The following MAP3K14 variants were observed in gnomAD, a reference collection of about 807,000 sequenced individuals.
MAP3K14 encodes the protein mitogen-activated protein kinase kinase kinase 14.
In MAP3K14, 16 loss-of-function variants were observed where a neutral mutation model predicts 99.2. The ratio of observed to expected loss-of-function variants is 0.16; its 90% CI spans 0.11 to 0.24. MAP3K14 has a LOEUF of 0.24. MAP3K14 is among the 10% of genes least tolerant of loss of function. The pLI is 1.00. For synonymous variants in MAP3K14, 462 were observed against 492.4 expected, an observed-to-expected ratio of 0.94 and a Z score of 0.82; for missense variants, 784 against 1,208.7, an observed-to-expected ratio of 0.65 and a Z score of 5.21.
chr17:45,286,843 T>C lies in MAP3K14; in HGVS notation c.740A>G (p.Asp247Gly), dbSNP rs1392892290. Residue 247 changes from aspartate (D) to glycine (G), a missense_variant, in exon 5 of 16, where the codon GAC (aspartate) becomes GGC (glycine). By Grantham distance (94) the Asp-to-Gly change is moderately conservative. Transcript: ENST00000344686. The surrounding 1 kb of genome is among the most constrained non-coding windows in gnomAD (Gnocchi z 4.1). Reference protein sequence around the residue: ...NHVWKLHHPQDGGPLPLPTHP... With the variant: ...NHVWKLHHPQGGGPLPLPTHP... The stretch of plus-strand genomic sequence containing the variant: ...CGTGGGCAGGGGCAGGGGGCCTCCG[T>C]CCTGGGGGTGGTGCAGTTTCCACAC... The C allele has an allele frequency of 1.2e-6, 2 of 1,613,822 alleles. No homozygotes were observed. Among genetic ancestry groups the C allele is most frequent in the Admixed American group, 1.7e-5 (1 of 60,002 alleles).
At chr17:45,278,502 T>C (rs776161053) in intron 6 of MAP3K14, among the ~76,000 whole-genome samples, 5 of 152,152 alleles carry the variant, frequency 3.3e-5, no homozygotes, top group Non-Finnish European at 5.9e-5. Context: ...GATCTTACAA[T>C]AGCCTGTAAG....
intron 6 of MAP3K14, among the ~76,000 whole-genome samples, chr17:45,279,949 A>G (rs1005645873): frequency 2.0e-5 from 3 of 152,206 alleles, no homozygotes; most frequent in Non-Finnish European, 2.9e-5. Context: ...ACACGTGTCC[A>G]GGACTGAAGG....
rs918251855 is a variant in MAP3K14, at chr17:45,272,941, A to G, written c.1657+562T>C. 2.0e-5 allele frequency among the ~76,000 whole-genome samples: 3 copies of G among 152,230 alleles called. No homozygotes were observed. The highest frequency in any genetic ancestry group is 4.4e-5 in the Non-Finnish European group (3 of 68,038). ...GGTGACAGAGTGAGACTCTGTCTCA[A>G]TGAAAACAACAAAAAAATTTGTGAT... is the stretch of plus-strand genomic sequence containing the variant. On this transcript the variant is annotated intron_variant, in intron 9 of 15. Coordinates refer to ENST00000344686, the MANE Select transcript of MAP3K14 (RefSeq NM_003954.5). This position sits in a 1 kb window ranked among gnomAD's most constrained non-coding sequence, Gnocchi z 4.1.
At chr17:45,290,420 C>A in intron 2 of MAP3K14, 70 bp downstream of exon 2, 1 of 1,584,762 alleles carries the variant, frequency 6.3e-7, no homozygotes, top group South Asian at 1.1e-5. Context: ...CATAGGGAAC[C>A]CCTGGGCCCA....
chr17:45,270,324 GT>G (rs2044132608), intron 11 of MAP3K14, 88 bp downstream of exon 11: 2 of 1,469,916 alleles, frequency 1.4e-6, no homozygotes, highest in African/African-American at 1.4e-5. Context: ...GCTCTGAGGG[GT>G]GCCTTGCTCT....
At chr17:45,270,378 G>A in intron 11 of MAP3K14, 35 bp downstream of exon 11, 1 of 1,596,486 alleles carries the variant, frequency 6.3e-7, no homozygotes, top group Non-Finnish European at 8.5e-7. Flanking sequence ...TCTGTCTTCT[G>A]CCCCCCGGGT....
intron 1 of MAP3K14, among the ~76,000 whole-genome samples, chr17:45,297,095 T>C (rs1411323251): frequency 1.3e-5 from 2 of 152,216 alleles, no homozygotes; most frequent in Non-Finnish European, 2.9e-5. Context: ...AGAGGTACAT[T>C]ACCTACAGGA....
intron 6 of MAP3K14, among the ~76,000 whole-genome samples, chr17:45,283,597 A>G (rs543364898): frequency 2.0e-5 from 3 of 152,272 alleles, no homozygotes; most frequent in African/African-American, 7.2e-5. Flanking sequence ...CTCTGAATGG[A>G]GCCAGCGTGT....
At chr17:45,270,285 ACC>A in intron 11 of MAP3K14, 126 bp downstream of exon 11, 1 of 1,166,484 alleles carries the variant, frequency 8.6e-7, no homozygotes, top group South Asian at 1.7e-5. Context: ...AGGCTGCTGC[ACC>A]CCCATAATCC....
chr17:45,266,703 C>A, intron 13 of MAP3K14, 22 bp from the exon 14 acceptor site: 1 of 1,596,720 alleles, frequency 6.3e-7, no homozygotes, highest in East Asian at 2.3e-5. Flanking sequence ...GGATTGGGTA[C>A]GGGCTCAGGG....
At position 45,274,556 on chromosome 17, in the gene MAP3K14, G is replaced by T. The variant is rs775512216; in HGVS notation, c.1328C>A (p.Ala443Glu). ...LEVFRAEELM[A>E]CAGLTSPRIV... ...TCTGGGTGAGGTCAATCCTGCACAT[G>T]CCATCAGCTCCTCTGCCCGAAATAC... The change falls in exon 7 of 16, where the codon GCA becomes GAA. Residue 443 changes from alanine (A) to glutamate (E), a missense_variant. By Grantham distance (107) the Ala-to-Glu change is moderately radical. Transcript: ENST00000344686. 1 of 1,613,966 alleles carries T rather than the reference G, an allele frequency of 6.2e-7. No individual in the cohort carries two copies. Among genetic ancestry groups the T allele is most frequent in the South Asian group, 1.1e-5 (1 of 91,074 alleles).
intron 1 of MAP3K14, among the ~76,000 whole-genome samples, chr17:45,297,425 T>C (rs2044354148): frequency 1.3e-5 from 2 of 152,254 alleles, no homozygotes; most frequent in Admixed American, 1.3e-4. Flanking sequence ...GTCAGACTTT[T>C]AGTTCAGTTA....
intron 6 of MAP3K14, among the ~76,000 whole-genome samples, chr17:45,275,735 G>A (rs868045531): frequency 6.6e-6 from 1 of 150,460 alleles, no homozygotes; most frequent in Non-Finnish European, 1.5e-5. Flanking sequence ...GACTCCATCG[G>A]GTGCATTTTT....
chr17:45,306,011 T>TA (rs1436776598), intron 1 of MAP3K14, among the ~76,000 whole-genome samples: 1 of 152,264 alleles, frequency 6.6e-6, no homozygotes, highest in Non-Finnish European at 1.5e-5. Flanking sequence ...CTTTGAGTGT[T>TA]ACAACAATCT....
intron 1 of MAP3K14, among the ~76,000 whole-genome samples, chr17:45,311,316 G>A (rs1029226594): frequency 6.6e-6 from 1 of 152,208 alleles, no homozygotes; most frequent in African/African-American, 2.4e-5. Flanking sequence ...TACAGGGGCT[G>A]GGTTGGTAGT....
Position 45,267,480 on chromosome 17 carries a change from G to C in MAP3K14, c.2252C>G (p.Ala751Gly). The C allele has an allele frequency of 6.2e-7, 1 of 1,611,832 alleles. No homozygotes were observed. Among genetic ancestry groups the C allele is most frequent in the Non-Finnish European group, 8.5e-7 (1 of 1,178,904 alleles). The change falls in exon 12 of 16, where the codon GCC (alanine) becomes GGC (glycine). Residue 751 changes from alanine to glycine, a missense_variant. By Grantham distance (60) the Ala-to-Gly change is moderately conservative. Coordinates refer to ENST00000344686, the MANE Select transcript of MAP3K14 (RefSeq NM_003954.5). The surrounding 1 kb of genome is among the most constrained non-coding windows in gnomAD (Gnocchi z 5.1). ...EPLPLSSLEP[A>G]PARNPSSPER... is the part of the protein sequence containing the mutation. The stretch of plus-strand genomic sequence containing the variant: ...TGGTGAGCTGGGGTTTCTGGCAGGG[G>C]CTGGCTCCAGGGAGGACAGAGGTAA...
At chr17:45,294,136 T>C (rs1253029391) in intron 1 of MAP3K14, among the ~76,000 whole-genome samples, 2 of 152,192 alleles carry the variant, frequency 1.3e-5, no homozygotes, top group Non-Finnish European at 2.9e-5. Flanking sequence ...CTCCTCAGCT[T>C]ATTCACGCCC....
Position 45,270,518 on chromosome 17 carries a change from C to A in MAP3K14, c.1867G>T (p.Ala623Ser). The A allele has an allele frequency of 6.3e-7, 1 of 1,586,572 alleles. No homozygotes were observed. The highest frequency in any genetic ancestry group is 1.8e-5 in the Admixed American group (1 of 54,298). Reference protein sequence around the residue: ...PPVREIPPSCAPLTAQAIQEG... With the variant: ...PPVREIPPSCSPLTAQAIQEG... ...TGGATGGCCTGGGCTGTGAGAGGGG[C>A]GCAGGAGGGTGGGATCTCCCTCACA... The change falls in exon 11 of 16, where the codon GCC becomes TCC. Residue 623 changes from alanine (A) to serine (S), a missense_variant. By Grantham distance (99) the Ala-to-Ser change is moderately conservative. Around this residue, in one of 5 missense-constraint regions of MAP3K14, gnomAD observed 200 missense variants for 367.9 expected, o/e 0.54. Transcript: ENST00000344686.
chr17:45,287,459 G>A, intron 3 of MAP3K14, 95 bp from the exon 4 acceptor site: 1 of 1,055,038 alleles, frequency 9.5e-7, no homozygotes, highest in South Asian at 1.5e-5. Context: ...CAGATCCAAG[G>A]TCAAATCCCA....
Sources: allele counts gnomAD v4.1 joint callset (sites outside exome capture counted in the v4.1 genomes callset), GRCh38; gene constraint gnomAD v4.1.1; regional missense constraint gnomAD v4.1.1; non-coding constraint Gnocchi (gnomAD v3.1); transcripts MANE v1.5; gene names NCBI Gene and HGNC (gene_info 2026-07-23, HGNC 2026-07-21).